Variants in CDH18 observed in about 807,000 individuals in gnomAD.
CDH18 encodes the protein cadherin-18.
Under a neutral mutation model 67.9 loss-of-function variants are expected in CDH18, and 31 were observed. That is an observed-to-expected ratio of 0.46 (90% CI 0.34 to 0.62). The LOEUF is 0.62. Ranked by LOEUF, CDH18 falls within the 20% of genes least tolerant of loss-of-function variation. The pLI is 0.01. For missense variants in CDH18, 890 were observed against 975.5 expected, an observed-to-expected ratio of 0.91 and a Z score of 1.17; for synonymous variants, 362 against 347.2, an observed-to-expected ratio of 1.04 and a Z score of -0.48.
intron 3 of CDH18, among the ~76,000 whole-genome samples, chr5:19,768,558 A>G (rs1773363549): frequency 6.6e-6 from 1 of 152,304 alleles, no homozygotes; most frequent in South Asian, 2.1e-4. Context: ...ATACCTCAAC[A>G]TATACAACGC....
intron 3 of CDH18, among the ~76,000 whole-genome samples, chr5:19,800,942 A>T (rs1365895876): frequency 6.6e-6 from 1 of 151,936 alleles, no homozygotes; most frequent in East Asian, 1.9e-4. Context: ...AACACGGTGA[A>T]GCCCAGTCTT....
intron 2 of CDH18, among the ~76,000 whole-genome samples, chr5:20,004,716 G>T (rs1277471312): frequency 3.3e-5 from 5 of 152,168 alleles, no homozygotes; most frequent in African/African-American, 1.2e-4. Context: ...TTACAGAATG[G>T]CTGTACTACA....
intron 1 of CDH18, among the ~76,000 whole-genome samples, chr5:20,536,150 G>T (rs775580974): frequency 6.6e-6 from 1 of 152,066 alleles, no homozygotes; most frequent in East Asian, 1.9e-4. Flanking sequence ...TATATGTTCA[G>T]GGGACTTTCT....
chr5:19,938,723 C>T lies in CDH18; in HGVS notation c.-257+42337G>A, dbSNP rs531729247. Among the ~76,000 whole-genome samples the T allele has an allele frequency of 7.3e-5, 11 of 151,324 alleles. No homozygotes were observed. In the East Asian group the frequency reaches 1.7e-3, roughly 24 times the overall value. ...GACCAAAAAATGTAGAAAAAATAAA[C>T]ATGCTTGCCTATTATATGCCTTTTA... On this transcript the variant is annotated intron_variant, in intron 2 of 12. Coordinates refer to ENST00000382275, the MANE Select transcript of CDH18 (RefSeq NM_004934.5).
At chr5:20,524,719 T>C (rs1256225984) in intron 1 of CDH18, among the ~76,000 whole-genome samples, 1 of 152,116 alleles carries the variant, frequency 6.6e-6, no homozygotes, top group Non-Finnish European at 1.5e-5. Flanking sequence ...GGTGTAGAAA[T>C]AGGTATTGTT....
At chr5:19,826,904 G>A (rs1413761564) in intron 3 of CDH18, among the ~76,000 whole-genome samples, 1 of 152,120 alleles carries the variant, frequency 6.6e-6, no homozygotes, top group Non-Finnish European at 1.5e-5. Flanking sequence ...AATGTAAATG[G>A]GCTGAATGTC....
intron 1 of CDH18, among the ~76,000 whole-genome samples, chr5:20,403,398 A>T (rs1218977582): frequency 2.0e-5 from 3 of 152,170 alleles, no homozygotes; most frequent in African/African-American, 7.2e-5. Flanking sequence ...TGAGCACAGT[A>T]TCTGAGGGTT....
intron 1 of CDH18, among the ~76,000 whole-genome samples, chr5:20,348,999 T>C (rs1001385486): frequency 1.3e-5 from 2 of 152,330 alleles, no homozygotes; most frequent in African/African-American, 2.4e-5. Flanking sequence ...AGATTCTGCA[T>C]TGGAAATGTG....
chr5:20,502,844 T>C (rs1026140460), intron 1 of CDH18, among the ~76,000 whole-genome samples: 6 of 152,152 alleles, frequency 3.9e-5, no homozygotes, highest in African/African-American at 1.4e-4. Flanking sequence ...TTTGATGGGT[T>C]GACATTTTGC....
At chr5:20,292,952 G>T in intron 1 of CDH18, among the ~76,000 whole-genome samples, 1 of 152,104 alleles carries the variant, frequency 6.6e-6, no homozygotes, top group Non-Finnish European at 1.5e-5. Context: ...GGTACTAGGG[G>T]TTAGGGTTTC....
chr5:20,476,700 AATT>A (rs1173404278), intron 1 of CDH18, among the ~76,000 whole-genome samples: 1 of 152,152 alleles, frequency 6.6e-6, no homozygotes, highest in Non-Finnish European at 1.5e-5. Flanking sequence ...TAATGTAAGA[AATT>A]ATAAAGTTCT....
intron 3 of CDH18, among the ~76,000 whole-genome samples, chr5:19,808,920 T>G (rs561267151): frequency 1.1e-4 from 17 of 151,960 alleles, no homozygotes; most frequent in Non-Finnish European, 1.6e-4. Flanking sequence ...GAATATATAT[T>G]TCTACATTAT....
At chr5:20,571,601 A>T (rs10473432) in intron 1 of CDH18, among the ~76,000 whole-genome samples, 2,166 of 152,230 alleles carry the variant, frequency 0.014, 61 homozygotes, top group African/African-American at 0.05. Flanking sequence ...TTCAAAATTC[A>T]CAATTATCAA....
chr5:20,552,937 T>C (rs960601811), intron 1 of CDH18, among the ~76,000 whole-genome samples: 1 of 151,978 alleles, frequency 6.6e-6, no homozygotes, highest in African/African-American at 2.4e-5. Flanking sequence ...GTATTTTTAG[T>C]AGAGACAGGG....
At chr5:20,026,468 T>C (rs1738911399) in intron 2 of CDH18, among the ~76,000 whole-genome samples, 1 of 152,218 alleles carries the variant, frequency 6.6e-6, no homozygotes, top group African/African-American at 2.4e-5. Flanking sequence ...TATCCTGTAA[T>C]TGTACATTAT....
In CDH18 at chr5:20,259,992, C is replaced by T. The variant is rs114098996; in HGVS notation, c.-579-4487G>A. ...TACAAACAAAAAAAAAATTGAGGTG[C>T]GACTGCACAACCTTTAGTTAAAATC... On this transcript the variant is annotated intron_variant, in intron 1 of 14. Transcript: ENST00000507958. Among the ~76,000 whole-genome samples the T allele has an allele frequency of 5.0e-3, 759 of 151,944 alleles. 7 individuals carry two copies. Among genetic ancestry groups the T allele is most frequent in the African/African-American group, 0.018 (729 of 41,480 alleles).
At chr5:19,476,300 A>C (rs1738452041) in intron 12 of CDH18, among the ~76,000 whole-genome samples, 1 of 152,042 alleles carries the variant, frequency 6.6e-6, no homozygotes, top group Non-Finnish European at 1.5e-5. Context: ...TACTGTTTAA[A>C]ATGAAGTGGT....
intron 1 of CDH18, among the ~76,000 whole-genome samples, chr5:20,268,096 AG>A (rs1369353085): frequency 6.6e-6 from 1 of 152,192 alleles, no homozygotes. Context: ...AATTGCCTCC[AG>A]TTGCACACAT....
chr5:19,937,618 C>G (rs919623410), intron 2 of CDH18, among the ~76,000 whole-genome samples: 6 of 151,244 alleles, frequency 4.0e-5, no homozygotes, highest in Non-Finnish European at 7.4e-5. Flanking sequence ...ACACAATGTA[C>G]AATTTCAAAG....
Sources: allele counts gnomAD v4.1 joint callset (sites outside exome capture counted in the v4.1 genomes callset), GRCh38; gene constraint gnomAD v4.1.1; transcripts MANE v1.5; gene names NCBI Gene and HGNC (gene_info 2026-07-23, HGNC 2026-07-21).